AUTS2: variants seen among roughly 807,000 people sequenced by gnomAD.
The protein encoded by AUTS2 is autism susceptibility gene 2 protein.
A neutral mutation model predicts 112.4 loss-of-function variants in AUTS2; 17 were observed. The observed-to-expected ratio is 0.15, with a 90% CI of 0.10 to 0.23. The LOEUF (loss-of-function observed/expected upper bound fraction) is 0.23, where lower values mean the gene tolerates loss of function less well. AUTS2 is among the 10% of genes least tolerant of loss of function. The probability of loss-of-function intolerance (pLI) is 1.00; values close to 1 mark genes in which losing one functional copy is unlikely to be tolerated. For missense variants in AUTS2, 1,510 were observed against 1,701.6 expected, an observed-to-expected ratio of 0.89 and a Z score of 1.98; for synonymous variants, 751 against 702.7, an observed-to-expected ratio of 1.07 and a Z score of -1.09.
At chr7:70,537,600 G>A (rs1205274526) in intron 5 of AUTS2, among the ~76,000 whole-genome samples, 1 of 152,260 alleles carries the variant, frequency 6.6e-6, no homozygotes, top group African/African-American at 2.4e-5. Flanking sequence ...CTGTTGCTAC[G>A]ATAGGAGCGG....
intron 1 of AUTS2, among the ~76,000 whole-genome samples, chr7:69,844,910 A>G (rs1430054707): frequency 6.6e-6 from 1 of 152,162 alleles, no homozygotes; most frequent in Non-Finnish European, 1.5e-5. Context: ...TAAATTTCTA[A>G]AAATTCATTT....
chr7:69,892,877 G>GA (rs1794587784), intron 1 of AUTS2, among the ~76,000 whole-genome samples: 1 of 152,194 alleles, frequency 6.6e-6, no homozygotes, highest in African/African-American at 2.4e-5. Context: ...GCTTTTGCCT[G>GA]AAAATCAGTT....
intron 1 of AUTS2, among the ~76,000 whole-genome samples, chr7:69,679,800 G>A (rs949495013): frequency 6.6e-6 from 1 of 152,114 alleles, no homozygotes; most frequent in Non-Finnish European, 1.5e-5. Context: ...CATCATCTAT[G>A]GAATAGATTT....
At chr7:70,553,149 C>A (rs11523675) in intron 5 of AUTS2, among the ~76,000 whole-genome samples, 1 of 152,026 alleles carries the variant, frequency 6.6e-6, no homozygotes, top group Non-Finnish European at 1.5e-5. Context: ...CAGCAGAGAC[C>A]GTAAGCAGTG....
chr7:70,481,778 G>T (rs1232258811), intron 5 of AUTS2, among the ~76,000 whole-genome samples: 1 of 152,192 alleles, frequency 6.6e-6, no homozygotes, highest in Non-Finnish European at 1.5e-5. Context: ...CTAGTTAGAT[G>T]AGGTTAAAGA....
At chr7:70,608,171 A>G (rs6955467) in intron 5 of AUTS2, among the ~76,000 whole-genome samples, 55,287 of 151,964 alleles carry the variant, frequency 0.36, 10,744 homozygotes, top group African/African-American at 0.43. Context: ...TGGCACAGTC[A>G]TAGTTCACGG....
intron 2 of AUTS2, among the ~76,000 whole-genome samples, chr7:69,962,704 ATGTATG>A (rs1257177483): frequency 5.9e-5 from 9 of 151,800 alleles, no homozygotes; most frequent in Non-Finnish European, 8.8e-5. Context: ...GCATGCATGC[ATGTATG>A]TGTATGTGTG....
intron 6 of AUTS2, among the ~76,000 whole-genome samples, chr7:70,744,635 C>G (rs1011046307): frequency 2.6e-5 from 4 of 152,162 alleles, no homozygotes; most frequent in African/African-American, 9.7e-5. Flanking sequence ...GTTGTCAGAC[C>G]GATGAGCGAG....
At chr7:70,641,816 C>T (rs1237625203) in intron 5 of AUTS2, among the ~76,000 whole-genome samples, 1 of 152,214 alleles carries the variant, frequency 6.6e-6, no homozygotes, top group Non-Finnish European at 1.5e-5. Context: ...TGCTATAAAT[C>T]TTAGTTCTGT....
chr7:69,629,781 A>C (rs1022760023), intron 1 of AUTS2, among the ~76,000 whole-genome samples: 8 of 151,808 alleles, frequency 5.3e-5, no homozygotes, highest in African/African-American at 1.9e-4. Flanking sequence ...GTGATGGGAC[A>C]GCTGGCACAT....
At chr7:69,912,719 C>T (rs1030612117) in intron 2 of AUTS2, among the ~76,000 whole-genome samples, 1 of 152,188 alleles carries the variant, frequency 6.6e-6, no homozygotes, top group African/African-American at 2.4e-5. Flanking sequence ...AGCTCTTTGG[C>T]TTTCATTTTA....
chr7:70,536,572 CTT>C (rs34639179), intron 5 of AUTS2, among the ~76,000 whole-genome samples: 9 of 49,044 alleles, frequency 1.8e-4, no homozygotes, highest in Non-Finnish European at 3.3e-4. Flanking sequence ...GAAGCCAAGG[CTT>C]TTTTTTTTTT....
rs548366278 is a variant in AUTS2 at position 70,573,299 on chromosome 7, G to A, written c.691-125270G>A. ...GCAGTGGATTTAATGAGCTGGGAAC[G>A]TCAATGCTGCCAAAGTTTACCTCGA... is the stretch of plus-strand genomic sequence containing the variant. On this transcript the variant is annotated intron_variant, in intron 5 of 18. Transcript: ENST00000342771. 1.2e-3 allele frequency among the ~76,000 whole-genome samples: 188 copies of A among 152,320 alleles called. 1 individual carries two copies. The highest frequency in any genetic ancestry group is 2.1e-3 in the Non-Finnish European group (142 of 68,030).
chr7:70,765,053 C>T (rs748216311), intron 8 of AUTS2, 48 bp downstream of exon 8: 8 of 1,605,362 alleles, frequency 5.0e-6, no homozygotes, highest in Admixed American at 1.7e-5. Flanking sequence ...CACCGCCCCT[C>T]GCTGTGACCT....
chr7:69,769,238 G>T (rs1308706866), intron 1 of AUTS2, among the ~76,000 whole-genome samples: 1 of 152,152 alleles, frequency 6.6e-6, no homozygotes, highest in Non-Finnish European at 1.5e-5. Flanking sequence ...AACAAAGAAC[G>T]TAAATCATAT....
At chr7:70,681,264 G>A (rs796265000) in intron 5 of AUTS2, among the ~76,000 whole-genome samples, 24 of 152,152 alleles carry the variant, frequency 1.6e-4, no homozygotes, top group East Asian at 1.9e-4. Context: ...GAATCCACCC[G>A]GGCCTGGCGG....
intron 1 of AUTS2, among the ~76,000 whole-genome samples, chr7:69,636,522 G>A (rs1005715484): frequency 3.2e-5 from 4 of 126,554 alleles, no homozygotes; most frequent in Non-Finnish European, 4.7e-5. Flanking sequence ...AGGATTACAG[G>A]TGTGAGTCCC....
At chr7:69,869,001 G>T (rs1289801131) in intron 1 of AUTS2, among the ~76,000 whole-genome samples, 2 of 152,292 alleles carry the variant, frequency 1.3e-5, no homozygotes, top group South Asian at 4.1e-4. Context: ...TTCTTTTGAG[G>T]AACAGCTGCC....
chr7:70,149,573 A>C lies in AUTS2; in HGVS notation c.660+15002A>C, dbSNP rs1308141815. ...CATAACCAACTTTCTATAGCCACAC[A>C]CATCTCTTATGCACCTTCATAAATT... On this transcript the variant is annotated intron_variant, in intron 4 of 18. Transcript: ENST00000342771. Among the ~76,000 whole-genome samples, 3 of 152,078 alleles carry C rather than the reference A, an allele frequency of 2.0e-5. No individual in the cohort carries two copies. The East Asian group carries it at 5.8e-4, about 29-fold the overall frequency.
Sources: allele counts gnomAD v4.1 joint callset (sites outside exome capture counted in the v4.1 genomes callset), GRCh38; gene constraint gnomAD v4.1.1; transcripts MANE v1.5; gene names NCBI Gene and HGNC (gene_info 2026-07-23, HGNC 2026-07-21).